Variants in USP32 observed in about 807,000 individuals in gnomAD.
The protein encoded by USP32 is ubiquitin carboxyl-terminal hydrolase 32.
Under a neutral mutation model 204.8 loss-of-function variants are expected in USP32, and 59 were observed. The observed-to-expected ratio is 0.29, with a 90% confidence interval of 0.23 to 0.36. The LOEUF (loss-of-function observed/expected upper bound fraction) is 0.36, where lower values mean the gene tolerates loss of function less well. USP32 is among the 10% of genes least tolerant of loss of function. The pLI, the probability that USP32 is intolerant of heterozygous loss-of-function variation, is 1.00. For synonymous variants in USP32, 517 were observed against 678.4 expected, an observed-to-expected ratio of 0.76 and a Z score of 3.70; for missense variants, 1,160 against 1,946.4, an observed-to-expected ratio of 0.60 and a Z score of 7.60.
At chr17:60,378,024 A>T (rs1481960132) in intron 1 of USP32, among the ~76,000 whole-genome samples, 2 of 152,194 alleles carry the variant, frequency 1.3e-5, no homozygotes, top group African/African-American at 4.8e-5. Flanking sequence ...TTGGGAGAAA[A>T]TATTTGTAAA....
intron 26 of USP32, among the ~76,000 whole-genome samples, chr17:60,203,396 CAAAAAAAAAAAAAA>C (rs554691150): frequency 4.1e-5 from 1 of 24,402 alleles, no homozygotes; most frequent in Non-Finnish European, 8.8e-5. Flanking sequence ...GCGAGACTGT[CAAAAAAAAAAAAAA>C]AAAAAAAAAA....
intron 5 of USP32, among the ~76,000 whole-genome samples, chr17:60,276,056 C>T (rs972821356): frequency 6.6e-6 from 1 of 151,946 alleles, no homozygotes; most frequent in Non-Finnish European, 1.5e-5. Flanking sequence ...TGCAAAGGTC[C>T]AATTACTTTG....
intron 4 of USP32, among the ~76,000 whole-genome samples, chr17:60,294,367 T>G (rs2087369739): frequency 1.4e-5 from 2 of 144,556 alleles, no homozygotes; most frequent in Admixed American, 1.3e-4. Context: ...TGAGCACTGT[T>G]TCAGGTTCCT....
At chr17:60,322,151 G>C (rs1296352680) in intron 2 of USP32, among the ~76,000 whole-genome samples, 1 of 151,948 alleles carries the variant, frequency 6.6e-6, no homozygotes. Flanking sequence ...AAAGTGAACT[G>C]AGTAGGTAAC....
chr17:60,360,649 T>G (rs1023186361), intron 1 of USP32, among the ~76,000 whole-genome samples: 3 of 152,086 alleles, frequency 2.0e-5, no homozygotes, highest in African/African-American at 7.2e-5. Flanking sequence ...CACTCCAGCC[T>G]GGGCAACAGA....
At chr17:60,317,514 T>TAA (rs368825449) in intron 2 of USP32, among the ~76,000 whole-genome samples, 44 of 109,622 alleles carry the variant, frequency 4.0e-4, no homozygotes, top group East Asian at 7.7e-4. Context: ...AGACCCTGTC[T>TAA]AAAAAAAAAA....
At chr17:60,418,396 G>GTT (rs569143215) in intron 1 of USP32, among the ~76,000 whole-genome samples, 5,501 of 118,318 alleles carry the variant, frequency 0.046, 433 homozygotes, top group African/African-American at 0.16. Context: ...CCTGGCCTCT[G>GTT]TTTTTTTTTT....
intron 1 of USP32, among the ~76,000 whole-genome samples, chr17:60,418,562 A>G (rs538348758): frequency 1.3e-5 from 2 of 152,288 alleles, no homozygotes; most frequent in East Asian, 3.9e-4. Flanking sequence ...AATTATCAAT[A>G]GAGTAAACAG....
At chr17:60,198,525 A>T in intron 26 of USP32, 81 bp from the exon 27 acceptor site, 9 of 1,479,140 alleles carry the variant, frequency 6.1e-6, no homozygotes, top group African/African-American at 1.4e-5. Flanking sequence ...ATGCCTGCCA[A>T]TGACAGGCAC....
chr17:60,340,074 G>A (rs1261983365), intron 2 of USP32, among the ~76,000 whole-genome samples: 1 of 152,020 alleles, frequency 6.6e-6, no homozygotes, highest in African/African-American at 2.4e-5. Flanking sequence ...CAGACTTAAA[G>A]GTCCAAGCTC....
At position 60,388,289 on chromosome 17, in the gene USP32, T is replaced by TAAACACAC. The variant is rs1555623769; in HGVS notation, c.58+3592_58+3593insGTGTGTTT. Among the ~76,000 whole-genome samples, 101 of 142,016 alleles carry TAAACACAC rather than the reference T, an allele frequency of 7.1e-4. 2 individuals carry two copies. Among genetic ancestry groups the TAAACACAC allele is most frequent in the African/African-American group, 2.6e-3 (97 of 37,086 alleles). The allele number at this position is 142,016 out of a possible 152,430, so 93.2% of individuals were successfully genotyped here. ...GAATCATTTTAATTCAGCCGATTCT[T>TAAACACAC]ACACACACACACACACACACACACA... is the stretch of plus-strand genomic sequence containing the variant. On this transcript the variant is annotated intron_variant, in intron 1 of 33. Coordinates refer to ENST00000300896, the MANE Select transcript of USP32 (RefSeq NM_032582.4).
At chr17:60,286,493 G>A (rs1194777170) in intron 5 of USP32, among the ~76,000 whole-genome samples, 5 of 152,118 alleles carry the variant, frequency 3.3e-5, no homozygotes, top group Non-Finnish European at 7.4e-5. Flanking sequence ...AAGAGGCAAG[G>A]AATAATTCTT....
intron 1 of USP32, chr17:60,421,576 C>T: frequency 2.0e-6 from 2 of 985,324 alleles, no homozygotes; most frequent in Non-Finnish European, 2.4e-6. Context: ...GAAAAGGTGG[C>T]TCGAGTGAGG....
chr17:60,232,800 G>C (rs2085606447), intron 12 of USP32, among the ~76,000 whole-genome samples: 1 of 151,850 alleles, frequency 6.6e-6, no homozygotes, highest in Non-Finnish European at 1.5e-5. Context: ...GCCTGCTTTG[G>C]CATCCCAAAG....
At chr17:60,232,879 C>A (rs2145621390) in intron 12 of USP32, among the ~76,000 whole-genome samples, 1 of 152,252 alleles carries the variant, frequency 6.6e-6, no homozygotes, top group Middle Eastern at 3.4e-3. Context: ...CATATAACTA[C>A]TGCTACTACT....
chr17:60,363,865 G>T (rs1440116798), intron 1 of USP32, among the ~76,000 whole-genome samples: 1 of 151,850 alleles, frequency 6.6e-6, no homozygotes, highest in Non-Finnish European at 1.5e-5. Context: ...TTTGGGAGAA[G>T]GAAGGAGGAA....
Position 60,385,114 on chromosome 17 carries a change from G to A in USP32, c.58+6768C>T, listed in dbSNP as rs182402804. Among the ~76,000 whole-genome samples, 25 of 152,324 alleles carry A rather than the reference G, an allele frequency of 1.6e-4. No homozygotes were observed. The East Asian group carries it at 4.8e-3, about 29-fold the overall frequency. On this transcript the variant is annotated intron_variant, in intron 1 of 33. Coordinates refer to ENST00000300896, the MANE Select transcript of USP32 (RefSeq NM_032582.4). The stretch of plus-strand genomic sequence containing the variant: ...TTAACCGATGACATTCCACCATTGT[G>A]ATTTATTCCTGTCCCACCTTAACTG...
chr17:60,269,640 T>A, intron 6 of USP32, 83 bp from the exon 7 acceptor site: 1 of 1,193,204 alleles, frequency 8.4e-7, no homozygotes, highest in Non-Finnish European at 1.2e-6. Flanking sequence ...GAGGAATGAC[T>A]CTTTCCCATA....
rs80278607 is a variant in USP32 at position 60,354,686 on chromosome 17, C to T, written c.59-9078G>A. On this transcript the variant is annotated intron_variant, in intron 1 of 33. Transcript: ENST00000300896. Reference sequence around the variant, plus strand: ...GACATCTCAGGCAAGAGGGGGCCTACAACTAGCAATTTTTTTTGCTACTGG... The same window carrying T: ...GACATCTCAGGCAAGAGGGGGCCTATAACTAGCAATTTTTTTTGCTACTGG... 1.1e-3 allele frequency among the ~76,000 whole-genome samples: 167 copies of T among 152,238 alleles called. 1 individual carries two copies. Among genetic ancestry groups the T allele is most frequent in the African/African-American group, 3.1e-3 (127 of 41,540 alleles).
Sources: allele counts gnomAD v4.1 joint callset (sites outside exome capture counted in the v4.1 genomes callset), GRCh38; gene constraint gnomAD v4.1.1; transcripts MANE v1.5; gene names NCBI Gene and HGNC (gene_info 2026-07-23, HGNC 2026-07-21).